LAMA2: variants seen among roughly 807,000 people sequenced by gnomAD.
LAMA2 encodes laminin subunit alpha-2.
A neutral mutation model predicts 364.8 loss-of-function variants in LAMA2; 269 were observed. The observed-to-expected ratio is 0.74, with a 90% CI of 0.67 to 0.82. The LOEUF is 0.82. Ranked by LOEUF, LAMA2 falls within the 40% of genes least tolerant of loss-of-function variation. The pLI, the probability that LAMA2 is intolerant of heterozygous loss-of-function variation, is 0.00. For synonymous variants in LAMA2, 1,379 were observed against 1,370.6 expected, an observed-to-expected ratio of 1.01 and a Z score of -0.14; for missense variants, 3,807 against 3,873.2, an observed-to-expected ratio of 0.98 and a Z score of 0.45.
chr6:129,266,953 G>A (rs1787560627), intron 15 of LAMA2, among the ~76,000 whole-genome samples, 153 bp from the exon 16 acceptor site: 1 of 152,064 alleles, frequency 6.6e-6, no homozygotes, highest in South Asian at 2.1e-4. Flanking sequence ...GAATAGCTCT[G>A]TTGCAATGTT....
At chr6:129,355,189 T>C (rs1287941169) in intron 32 of LAMA2, among the ~76,000 whole-genome samples, 1 of 152,192 alleles carries the variant, frequency 6.6e-6, no homozygotes, top group Non-Finnish European at 1.5e-5. Context: ...TTATGCTGTA[T>C]AGATTTTCCA....
At position 129,486,554 on chromosome 6, in the gene LAMA2, G is replaced by T. The variant is rs2229849; in HGVS notation, c.7830G>T (p.Val2610=). 1 of 1,613,718 alleles carries T rather than the reference G, an allele frequency of 6.2e-7. No homozygotes were observed. Among genetic ancestry groups the T allele is most frequent in the South Asian group, 1.1e-5 (1 of 91,076 alleles). ...STGARTMRKI[V]IRPEPNLFHD... ...GGGCACGAACAATGAGGAAAATTGT[G>T]ATCAGACCAGAGCCGAATCTGTTTC... Residue 2610 remains valine, a synonymous_variant, in exon 56 of 65, where the codon GTG becomes GTT. Transcript: ENST00000421865.
chr6:129,034,620 C>T (rs894593198), intron 1 of LAMA2, among the ~76,000 whole-genome samples: 13 of 151,996 alleles, frequency 8.6e-5, no homozygotes, highest in Admixed American at 3.3e-4. Context: ...GTCCTCATTC[C>T]TCTCCCAGCC....
intron 33 of LAMA2, among the ~76,000 whole-genome samples, chr6:129,369,363 G>A (rs968534408): frequency 6.6e-6 from 1 of 152,112 alleles, no homozygotes; most frequent in Non-Finnish European, 1.5e-5. Context: ...AAAAAAATAT[G>A]GCCCTGCTGT....
chr6:129,044,354 G>C (rs1461172146), intron 1 of LAMA2, among the ~76,000 whole-genome samples: 2 of 152,136 alleles, frequency 1.3e-5, no homozygotes, highest in Non-Finnish European at 2.9e-5. Context: ...GTGGGATTTT[G>C]AGAATGTAGA....
At chr6:129,279,547 A>C (rs1023942486) in intron 17 of LAMA2, among the ~76,000 whole-genome samples, 3 of 152,146 alleles carry the variant, frequency 2.0e-5, no homozygotes, top group African/African-American at 7.2e-5. Context: ...CATCAGTGTG[A>C]GGGCATACCT....
chr6:128,913,472 C>G (rs559984020), intron 1 of LAMA2, among the ~76,000 whole-genome samples: 4 of 152,280 alleles, frequency 2.6e-5, no homozygotes, highest in Admixed American at 2.6e-4. Context: ...TGAACGTAAG[C>G]TATAACTTTG....
chr6:129,151,440 A>G (rs950280603), intron 7 of LAMA2, among the ~76,000 whole-genome samples: 1 of 152,150 alleles, frequency 6.6e-6, no homozygotes, highest in Non-Finnish European at 1.5e-5. Flanking sequence ...AATCCCAGCT[A>G]CTGGAAAGAA....
intron 45 of LAMA2, among the ~76,000 whole-genome samples, chr6:129,446,202 T>A (rs527265920): frequency 6.6e-5 from 10 of 152,002 alleles, no homozygotes; most frequent in South Asian, 4.2e-4. Flanking sequence ...CTAATGGGGT[T>A]ATGGCAGGAA....
At chr6:129,140,010 T>G (rs1156560748) in intron 4 of LAMA2, among the ~76,000 whole-genome samples, 1 of 152,160 alleles carries the variant, frequency 6.6e-6, no homozygotes, top group African/African-American at 2.4e-5. Context: ...GTAGCCTTCA[T>G]TCTCCCATCC....
At chr6:129,238,062 G>A (rs1785118822) in intron 12 of LAMA2, among the ~76,000 whole-genome samples, 1 of 150,674 alleles carries the variant, frequency 6.6e-6, no homozygotes, top group Admixed American at 6.6e-5. Context: ...CTACTTGGGA[G>A]GCTGAGGCAT....
At position 129,414,984 on chromosome 6, in the gene LAMA2, C is replaced by T. The variant is rs373353207; in HGVS notation, c.5865+11025C>T. The stretch of plus-strand genomic sequence containing the variant: ...AGTTCACTTACAGAATATCACATCA[C>T]ATTTTCCCACCCTTCAGTTTCCCAA... On this transcript the variant is annotated intron_variant, in intron 40 of 64. Coordinates refer to ENST00000421865, the MANE Select transcript of LAMA2 (RefSeq NM_000426.4). Among the ~76,000 whole-genome samples the T allele has an allele frequency of 5.9e-5, 9 of 152,334 alleles. No homozygotes were observed. In the South Asian group the frequency reaches 1.7e-3, roughly 28 times the overall value.
At chr6:129,461,894 T>C (rs1003108394) in intron 49 of LAMA2, among the ~76,000 whole-genome samples, 1 of 151,864 alleles carries the variant, frequency 6.6e-6, no homozygotes, top group Non-Finnish European at 1.5e-5. Flanking sequence ...AAAAAACAAA[T>C]ACTAAAATAG....
At chr6:129,140,475 A>C (rs1371088354) in intron 4 of LAMA2, among the ~76,000 whole-genome samples, 1 of 152,086 alleles carries the variant, frequency 6.6e-6, no homozygotes, top group South Asian at 2.1e-4. Context: ...CAGCATGAAC[A>C]TACACCCACC....
intron 1 of LAMA2, among the ~76,000 whole-genome samples, chr6:129,004,399 A>G (rs1264008870): frequency 9.6e-5 from 2 of 20,768 alleles, no homozygotes. Context: ...AACTTAGAGT[A>G]TAATAATAAA....
intron 45 of LAMA2, among the ~76,000 whole-genome samples, chr6:129,449,504 A>T (rs1001333513): frequency 6.6e-6 from 1 of 152,068 alleles, no homozygotes; most frequent in African/African-American, 2.4e-5. Context: ...TGACCGAAAC[A>T]CTTCCCAAAA....
chr6:128,893,072 A>G lies in LAMA2; in HGVS notation c.112+9715A>G, dbSNP rs1343682454. Among the ~76,000 whole-genome samples the G allele has an allele frequency of 3.3e-5, 5 of 152,080 alleles. No homozygotes were observed. The East Asian group carries it at 9.6e-4, about 29-fold the overall frequency. On this transcript the variant is annotated intron_variant, in intron 1 of 64. Transcript: ENST00000421865. ...TTCATTCTGATACATTAGAAAAGTC[A>G]CTGGATTTGTAATTGGAATTCCAAA...
chr6:129,147,498 G>T lies in LAMA2; in HGVS notation c.909+450G>T, dbSNP rs1049946906. On this transcript the variant is annotated intron_variant, in intron 6 of 64. Transcript: ENST00000421865. ...GATAAAATAGGGCAGGGGCAATAAG[G>T]GGGTGGAGGGGGTGGAGTGGGTGAG... 3.3e-5 allele frequency among the ~76,000 whole-genome samples: 5 copies of T among 152,096 alleles called. No homozygotes were observed. The South Asian group carries it at 1.0e-3, about 32-fold the overall frequency.
intron 23 of LAMA2, among the ~76,000 whole-genome samples, chr6:129,314,385 C>G (rs1304939153): frequency 1.9e-5 from 2 of 103,518 alleles, no homozygotes; most frequent in African/African-American, 4.6e-5. Flanking sequence ...GGCGAAAGAG[C>G]GAGACTCCGT....
Sources: gnomAD v4.1 joint callset for allele counts (sites outside exome capture counted in the v4.1 genomes callset) on GRCh38, gnomAD v4.1.1 for gene constraint, MANE v1.5 for transcripts, NCBI Gene and HGNC (gene_info 2026-07-23, HGNC 2026-07-21) for gene names.